MRM1: variants seen among roughly 807,000 people sequenced by gnomAD.
MRM1 encodes the protein rRNA methyltransferase 1, mitochondrial.
MRM1 carries 24 observed loss-of-function variants against 25.0 expected under a neutral mutation model. That is an observed-to-expected ratio of 0.96 (90% CI 0.69 to 1.35). MRM1 has a LOEUF of 1.35. MRM1 is among the 40% of genes most tolerant of loss of function. MRM1 has a pLI of 0.00. For missense variants in MRM1, 431 were observed against 464.1 expected, an observed-to-expected ratio of 0.93 and a Z score of 0.65; for synonymous variants, 188 against 199.2, an observed-to-expected ratio of 0.94 and a Z score of 0.47.
chr17:36,601,715 C>T lies in MRM1; in HGVS notation c.-96C>T. The T allele has an allele frequency of 7.6e-7, 1 of 1,313,952 alleles. No individual in the cohort carries two copies. Among genetic ancestry groups the T allele is most frequent in the South Asian group, 1.5e-5 (1 of 68,450 alleles). 81.4% of individuals were successfully genotyped at this position (1,313,952 alleles called of 1,614,324 possible). ...GCGGAGACGGCTGTCGAGTACCCTT[C>T]ACCTCGGTGTTGGGAGCCTGGGAGC... On this transcript the variant is annotated 5_prime_UTR_variant, in exon 1 of 5. Transcript: ENST00000614766.
chr17:36,627,380 C>T, the MRM1 span, among the ~76,000 whole-genome samples: 6 of 152,322 alleles, frequency 3.9e-5, no homozygotes, highest in African/African-American at 1.2e-4. Flanking sequence ...GATTACCTTT[C>T]GGCAAATAAA....
chr17:36,602,251 G>T lies in MRM1; in HGVS notation c.441G>T (p.Trp147Cys), dbSNP rs780693186. ...CAGGCGACGACCCCCAGCAGTTGTG[G>T]CTCGTCCTCGATGGGATCCAGGATC... ...ASPGDDPQQL[W>C]LVLDGIQDPR... The change falls in exon 1 of 5, where the codon TGG becomes TGT. Residue 147 changes from tryptophan (W) to cysteine (C), a missense_variant. Transcript: ENST00000614766. This position sits in a 1 kb window ranked among gnomAD's most constrained non-coding sequence, Gnocchi z 4.1. The T allele has an allele frequency of 3.7e-6, 6 of 1,608,642 alleles. No homozygotes were observed. Among genetic ancestry groups the T allele is most frequent in the Middle Eastern group, 1.7e-4 (1 of 6,058 alleles).
rs549276121 is a variant in MRM1 at position 36,607,845 on chromosome 17, G to A, written c.769+43G>A. ...CGTTTGTGCCCAGATTACATTTCCC[G>A]AGCAACTGGGTGTCCAGCTGGGCAA... On this transcript the variant is annotated intron_variant, in intron 3 of 4. Coordinates refer to ENST00000614766, the MANE Select transcript of MRM1 (RefSeq NM_024864.5). 2.2e-5 allele frequency: 36 copies of A among 1,611,248 alleles called. No homozygotes were observed. In the South Asian group the frequency reaches 2.9e-4, roughly 13 times the overall value.
In MRM1 at chr17:36,608,382, A is replaced by T; in HGVS notation, c.1029A>T (p.Ser343=). 1 of 1,588,380 alleles carries T rather than the reference A, an allele frequency of 6.3e-7. No individual in the cohort carries two copies. The highest frequency in any genetic ancestry group is 1.4e-5 in the African/African-American group (1 of 73,806). Residue 343 remains serine, a synonymous_variant, in exon 5 of 5, where the codon TCA becomes TCT. Coordinates refer to ENST00000614766, the MANE Select transcript of MRM1 (RefSeq NM_024864.5). ...LSMAQHPGLS[S]GPEKERQNEG Reference sequence around the variant, plus strand: ...TGGCTCAGCACCCAGGGCTGTCTTCAGGCCCAGAGAAAGAGAGGCAAAATG... The same window carrying T: ...TGGCTCAGCACCCAGGGCTGTCTTCTGGCCCAGAGAAAGAGAGGCAAAATG...
At chr17:36,610,836 C>CG (rs1312699937), downstream of MRM1, among the ~76,000 whole-genome samples, 6 of 152,034 alleles carry the variant, frequency 3.9e-5, no homozygotes, top group African/African-American at 1.4e-4. Flanking sequence ...TTTTTTGAGA[C>CG]GGAGTCTTGC....
chr17:36,631,233 G>A, the MRM1 span, among the ~76,000 whole-genome samples: 323 of 152,294 alleles, frequency 2.1e-3, no homozygotes, highest in Middle Eastern at 0.01. Flanking sequence ...TGAGAAATGG[G>A]TTCATGACAT....
At chr17:36,605,549 C>G (rs1317088753) in intron 2 of MRM1, among the ~76,000 whole-genome samples, 1 of 151,026 alleles carries the variant, frequency 6.6e-6, no homozygotes, top group African/African-American at 2.4e-5. Context: ...TATCTGAATT[C>G]AAATTCCCGC....
At chr17:36,620,295 C>T in the MRM1 span, among the ~76,000 whole-genome samples, 1 of 129,214 alleles carries the variant, frequency 7.7e-6, no homozygotes, top group African/African-American at 2.9e-5. Flanking sequence ...AATAATTCTG[C>T]CTTTGGGTGG....
At chr17:36,615,885 C>T in the MRM1 span, among the ~76,000 whole-genome samples, 1 of 151,906 alleles carries the variant, frequency 6.6e-6, no homozygotes, top group Admixed American at 6.6e-5. Flanking sequence ...CCCAGCTACT[C>T]GGGAGGCTGA....
the MRM1 span, among the ~76,000 whole-genome samples, chr17:36,631,541 C>T: frequency 3.9e-5 from 6 of 152,350 alleles, no homozygotes; most frequent in African/African-American, 1.2e-4. Context: ...TGTCTGCTTT[C>T]AGAGTTGGGA....
At chr17:36,633,604 G>C in the MRM1 span, among the ~76,000 whole-genome samples, 6 of 151,468 alleles carry the variant, frequency 4.0e-5, no homozygotes, top group African/African-American at 1.5e-4. Context: ...AAGAGAAGGG[G>C]AGGAGGAAGA....
At chr17:36,619,416 C>T in the MRM1 span, among the ~76,000 whole-genome samples, 1 of 152,168 alleles carries the variant, frequency 6.6e-6, no homozygotes, top group African/African-American at 2.4e-5. Context: ...GCCTGTAATC[C>T]TAGCACTTTG....
At chr17:36,618,690 C>T in the MRM1 span, among the ~76,000 whole-genome samples, 1 of 152,222 alleles carries the variant, frequency 6.6e-6, no homozygotes, top group Non-Finnish European at 1.5e-5. Context: ...CCAACTCCAA[C>T]CTGCGCAGCC....
At chr17:36,625,604 A>G in the MRM1 span, among the ~76,000 whole-genome samples, 1 of 151,164 alleles carries the variant, frequency 6.6e-6, no homozygotes, top group Admixed American at 6.6e-5. Flanking sequence ...TGGGATTACA[A>G]GTGCCCACGA....
chr17:36,621,661 G>A, the MRM1 span, among the ~76,000 whole-genome samples: 3 of 152,168 alleles, frequency 2.0e-5, no homozygotes, highest in Non-Finnish European at 2.9e-5. Flanking sequence ...TACACTTTGA[G>A]GCTCTTCTGT....
chr17:36,609,203 TTG>T, downstream of MRM1, among the ~76,000 whole-genome samples: 1 of 152,056 alleles, frequency 6.6e-6, no homozygotes, highest in East Asian at 1.9e-4. Context: ...CGAGACAGAT[TTG>T]GCACTCCTCC....
At position 36,602,002 on chromosome 17, in the gene MRM1, C is replaced by G; in HGVS notation, c.192C>G (p.Ala64=). The change falls in exon 1 of 5, where the codon GCC becomes GCG. Residue 64 remains alanine (A), a synonymous_variant. Transcript: ENST00000614766. This position sits in a 1 kb window ranked among gnomAD's most constrained non-coding sequence, Gnocchi z 4.1. ...GMTPCLLALQ[A]ARRSVARLLL... is the part of the protein sequence containing the mutation. ...CCCCGTGTCTCCTGGCTCTGCAGGC[C>G]GCCCGCCGCTCTGTGGCCCGGCTCC... is the stretch of plus-strand genomic sequence containing the variant. The G allele has an allele frequency of 6.2e-7, 1 of 1,608,676 alleles. No individual in the cohort carries two copies. Among genetic ancestry groups the G allele is most frequent in the Non-Finnish European group, 8.5e-7 (1 of 1,178,582 alleles).
At position 36,602,981 on chromosome 17, in the gene MRM1, G is replaced by A; in HGVS notation, c.636+335G>A. On this transcript the variant is annotated intron_variant, in intron 2 of 4. Coordinates refer to ENST00000614766, the MANE Select transcript of MRM1 (RefSeq NM_024864.5). This position sits in a 1 kb window ranked among gnomAD's most constrained non-coding sequence, Gnocchi z 4.1. ...CAGCTGTGGGGAGCTGCGTACAGGA[G>A]ACCTGAGTTCCTCGAATAGGGCACA... 1.0e-6 allele frequency: 1 copy of A among 985,408 alleles called. No individual in the cohort carries two copies. Among genetic ancestry groups the A allele is most frequent in the Non-Finnish European group, 1.2e-6 (1 of 829,940 alleles). 61.0% of individuals were successfully genotyped at this position (985,408 alleles called of 1,614,324 possible). A position where few individuals can be genotyped will look rare whatever the true frequency, so the allele number is the denominator to read the frequency against.
chr17:36,622,703 T>G, the MRM1 span, among the ~76,000 whole-genome samples: 17,630 of 152,188 alleles, frequency 0.12, 2,141 homozygotes, highest in African/African-American at 0.32. Context: ...GACATATACT[T>G]GCCTGGTGAG....
Sources: allele counts gnomAD v4.1 joint callset (sites outside exome capture counted in the v4.1 genomes callset), GRCh38; gene constraint gnomAD v4.1.1; non-coding constraint Gnocchi (gnomAD v3.1); transcripts MANE v1.5; gene names NCBI Gene and HGNC (gene_info 2026-07-23, HGNC 2026-07-21).